CPEB1: variants seen among roughly 807,000 people sequenced by gnomAD.
CPEB1 encodes the protein cytoplasmic polyadenylation element-binding protein 1.
CPEB1 carries 7 observed loss-of-function variants against 65.8 expected under a neutral mutation model. The observed-to-expected ratio is 0.11, with a 90% CI of 0.06 to 0.20. The LOEUF is 0.20. CPEB1 is among the 10% of genes least tolerant of loss of function. The pLI is 1.00. For missense variants in CPEB1, 551 were observed against 712.2 expected, an observed-to-expected ratio of 0.77 and a Z score of 2.58; for synonymous variants, 262 against 260.0, an observed-to-expected ratio of 1.01 and a Z score of -0.08.
At chr15:82,635,762 G>C (rs576686963) in intron 1 of CPEB1, among the ~76,000 whole-genome samples, 3 of 152,108 alleles carry the variant, frequency 2.0e-5, no homozygotes, top group African/African-American at 7.2e-5. Flanking sequence ...TAGAAGAGAG[G>C]AATAAAGTAG....
intron 1 of CPEB1, among the ~76,000 whole-genome samples, chr15:82,636,304 C>T (rs1164027466): frequency 6.6e-6 from 1 of 152,180 alleles, no homozygotes; most frequent in Non-Finnish European, 1.5e-5. Context: ...CAACTGCTCC[C>T]AAATTAATGC....
chr15:82,543,268 G>A lies in CPEB1; in HGVS notation c.*1324C>T, dbSNP rs1225892137. 1.3e-5 allele frequency: 2 copies of A among 152,426 alleles called. No homozygotes were observed. The highest frequency in any genetic ancestry group is 2.9e-5 in the Non-Finnish European group (2 of 68,000). 9.4% of individuals were successfully genotyped at this position (152,426 alleles called of 1,614,324 possible). On this transcript the variant is annotated 3_prime_UTR_variant, in exon 13 of 13. Coordinates refer to ENST00000684509, the MANE Select transcript of CPEB1 (RefSeq NM_001365242.1). ...CAGCTTACTCCACACATCTGTAGGA[G>A]AGTGCAGTCTTGCCTGCATATACTA... is the stretch of plus-strand genomic sequence containing the variant.
chr15:82,563,569 TG>T (rs1377110485), intron 4 of CPEB1, among the ~76,000 whole-genome samples: 1 of 150,708 alleles, frequency 6.6e-6, no homozygotes, highest in Admixed American at 6.6e-5. Context: ...CTTGAACTCC[TG>T]GGCTCAAGCA....
chr15:82,601,800 GATCA>G (rs57845432), intron 3 of CPEB1, among the ~76,000 whole-genome samples: 37,192 of 151,780 alleles, frequency 0.25, 4,720 homozygotes, highest in South Asian at 0.42. Context: ...AGTATCGAGA[GATCA>G]ATCTACAAAG....
chr15:82,585,488 C>T (rs2041721470), intron 3 of CPEB1, among the ~76,000 whole-genome samples: 1 of 152,074 alleles, frequency 6.6e-6, no homozygotes, highest in African/African-American at 2.4e-5. Flanking sequence ...TTTTTGAAGT[C>T]CAGGAAGAAC....
intron 1 of CPEB1, among the ~76,000 whole-genome samples, chr15:82,636,850 T>C (rs1439992604): frequency 6.6e-6 from 1 of 152,208 alleles, no homozygotes; most frequent in Non-Finnish European, 1.5e-5. Context: ...TAGTGACTCC[T>C]TTCTTAAGAT....
intron 4 of CPEB1, among the ~76,000 whole-genome samples, chr15:82,562,900 T>C (rs1447851505): frequency 2.0e-5 from 3 of 151,502 alleles, no homozygotes; most frequent in Non-Finnish European, 4.4e-5. Flanking sequence ...GGTAAATACT[T>C]AAGAGAAAAA....
chr15:82,555,769 A>C, intron 6 of CPEB1, 101 bp downstream of exon 6: 2 of 1,297,412 alleles, frequency 1.5e-6, no homozygotes, highest in Non-Finnish European at 2.1e-6. Context: ...CCATGCAACC[A>C]AGCCTCCTCT....
chr15:82,587,557 C>T (rs369031415), intron 3 of CPEB1, among the ~76,000 whole-genome samples: 1 of 152,066 alleles, frequency 6.6e-6, no homozygotes, highest in Non-Finnish European at 1.5e-5. Context: ...TTCAGAAATA[C>T]GGAGAGAACT....
rs188062990 is a variant in CPEB1 at position 82,601,541 on chromosome 15, C to A, written c.271+25652G>T. On this transcript the variant is annotated intron_variant, in intron 3 of 12. Coordinates refer to ENST00000684509, the MANE Select transcript of CPEB1 (RefSeq NM_001365242.1). ...GGGCAACAGAGTGACACCCTGTCCC[C>A]TCCACCCAACAAAAAAATTTTTTTT... Among the ~76,000 whole-genome samples, 453 of 152,134 alleles carry A rather than the reference C, an allele frequency of 3.0e-3. 2 individuals are homozygous for A. Among genetic ancestry groups the A allele is most frequent in the Admixed American group, 5.6e-3 (85 of 15,280 alleles).
At position 82,615,252 on chromosome 15, in the gene CPEB1, C is replaced by T. The variant is rs190290817; in HGVS notation, c.271+11941G>A. 1.1e-4 allele frequency among the ~76,000 whole-genome samples: 16 copies of T among 152,192 alleles called. No individual in the cohort carries two copies. In the East Asian group the frequency reaches 2.5e-3, roughly 24 times the overall value. Reference sequence around the variant, plus strand: ...ATTTTAAGAATGTATATGTTTACACCACCACATGATGGATCCACAAATAAA... The same window carrying T: ...ATTTTAAGAATGTATATGTTTACACTACCACATGATGGATCCACAAATAAA... On this transcript the variant is annotated intron_variant, in intron 3 of 12. Coordinates refer to ENST00000684509, the MANE Select transcript of CPEB1 (RefSeq NM_001365242.1).
intron 3 of CPEB1, among the ~76,000 whole-genome samples, chr15:82,579,720 G>A (rs1194696409): frequency 6.6e-6 from 1 of 150,556 alleles, no homozygotes; most frequent in Admixed American, 6.6e-5. Flanking sequence ...AGACCATCCT[G>A]GCTAACAAGG....
chr15:82,585,003 G>A (rs1386404104), intron 3 of CPEB1, among the ~76,000 whole-genome samples: 1 of 139,764 alleles, frequency 7.2e-6, no homozygotes, highest in African/African-American at 2.7e-5. Context: ...ATAAACTTGA[G>A]TAGTTTTTGC....
chr15:82,589,869 G>A (rs1011237476), intron 3 of CPEB1, among the ~76,000 whole-genome samples: 2 of 152,188 alleles, frequency 1.3e-5, no homozygotes, highest in Non-Finnish European at 2.9e-5. Flanking sequence ...AAACAATACA[G>A]TATAACTATT....
At chr15:82,583,879 G>C (rs2041519386) in intron 3 of CPEB1, among the ~76,000 whole-genome samples, 1 of 152,150 alleles carries the variant, frequency 6.6e-6, no homozygotes, top group Non-Finnish European at 1.5e-5. Context: ...TGCCTGTAAA[G>C]GAATCAATAT....
rs534968367 is a variant in CPEB1 at position 82,574,722 on chromosome 15, C to CAAAAAAAAAAAAAAA, written c.272-3205_272-3191dup. The stretch of plus-strand genomic sequence containing the variant: ...TGGGCAACAGAGCTAGACTCGGTCT[C>CAAAAAAAAAAAAAAA]AAAAAAAAAAAAAAAAAAAAAAAAA... On this transcript the variant is annotated intron_variant, in intron 3 of 12. Coordinates refer to ENST00000684509, the MANE Select transcript of CPEB1 (RefSeq NM_001365242.1). Among the ~76,000 whole-genome samples, 33 of 53,504 alleles carry CAAAAAAAAAAAAAAA rather than the reference C, an allele frequency of 6.2e-4. 2 individuals carry two copies. Among genetic ancestry groups the CAAAAAAAAAAAAAAA allele is most frequent in the Middle Eastern group, 0.016 (1 of 64 alleles). The allele number at this position is 53,504 out of a possible 152,430, so 35.1% of individuals were successfully genotyped here. A position where few individuals can be genotyped will look rare whatever the true frequency, so the allele number is the denominator to read the frequency against.
rs532913581 is a variant in CPEB1, at chr15:82,559,054, G to A, written c.461-1068C>T. On this transcript the variant is annotated intron_variant, in intron 4 of 12. Transcript: ENST00000684509. ...AAGTGCTGAATAACTGGCTGTGATT[G>A]GCCCCACTTCCGCCCTGACTAGCAA... 1.6e-4 allele frequency among the ~76,000 whole-genome samples: 24 copies of A among 151,882 alleles called. No homozygotes were observed. In the South Asian group the frequency reaches 5.0e-3, roughly 32 times the overall value.
At chr15:82,559,731 T>C (rs1291225386) in intron 4 of CPEB1, among the ~76,000 whole-genome samples, 3 of 152,210 alleles carry the variant, frequency 2.0e-5, no homozygotes, top group Non-Finnish European at 4.4e-5. Context: ...ATGCTAAAAC[T>C]AAGTGTCTCA....
At chr15:82,586,786 T>C (rs966401096) in intron 3 of CPEB1, among the ~76,000 whole-genome samples, 2 of 152,218 alleles carry the variant, frequency 1.3e-5, no homozygotes, top group African/African-American at 2.4e-5. Flanking sequence ...GACATGGAAT[T>C]GCACAGGTGT....
Sources: allele counts gnomAD v4.1 joint callset (sites outside exome capture counted in the v4.1 genomes callset), GRCh38; gene constraint gnomAD v4.1.1; transcripts MANE v1.5; gene names NCBI Gene and HGNC (gene_info 2026-07-23, HGNC 2026-07-21).